Variants in SNCAIP observed in about 807,000 individuals in gnomAD.
The protein encoded by SNCAIP is synuclein alpha interacting protein.
SNCAIP carries 43 observed loss-of-function variants against 86.7 expected under a neutral mutation model. The ratio of observed to expected loss-of-function variants is 0.50; its 90% confidence interval spans 0.39 to 0.64. The LOEUF is 0.64. SNCAIP is among the 30% of genes least tolerant of loss of function. SNCAIP has a pLI of 0.00. For missense variants in SNCAIP, 981 were observed against 1,103.1 expected (o/e 0.89, Z 1.57); for synonymous variants, 417 against 427.2 (o/e 0.98, Z 0.29).
At chr5:122,445,658 A>G (rs535505928) in intron 8 of SNCAIP, among the ~76,000 whole-genome samples, 8 of 150,892 alleles carry the variant, frequency 5.3e-5, no homozygotes, top group Admixed American at 2.0e-4. Context: ...ACACACACAC[A>G]CACACACACA....
chr5:122,403,894 TATCCTGGCTCAGTGTTA>T, intron 3 of SNCAIP, 29 bp downstream of exon 3: 2 of 1,558,268 alleles, frequency 1.3e-6, no homozygotes, highest in Non-Finnish European at 1.8e-6. Context: ...CTCTTCTCCT[TATCCTGGCTCAGTGTTA>T]ATGGCTCCTG....
chr5:122,463,360 G>A, intron 10 of SNCAIP, 131 bp from the exon 11 acceptor site: 5 of 690,778 alleles, frequency 7.2e-6, no homozygotes, highest in South Asian at 6.5e-5. Flanking sequence ...TTTGCGTATT[G>A]GAATGAAGTG....
At chr5:122,384,579 A>G (rs776247466) in intron 1 of SNCAIP, among the ~76,000 whole-genome samples, 22 of 152,182 alleles carry the variant, frequency 1.4e-4, no homozygotes, top group Non-Finnish European at 2.6e-4. Context: ...GTCTCCCAGC[A>G]TCTGTGTGAG....
rs1011610941 is a variant in SNCAIP, at chr5:122,432,105, T to C, written c.1296+23T>C. 1.4e-5 allele frequency: 14 copies of C among 988,376 alleles called. No homozygotes were observed. The South Asian group carries it at 1.5e-4, about 11-fold the overall frequency. 61.2% of individuals were successfully genotyped at this position (988,376 alleles called of 1,614,324 possible). A position where few individuals can be genotyped will look rare whatever the true frequency, so the allele number is the denominator to read the frequency against. On this transcript the variant is annotated intron_variant, in intron 6 of 10. Transcript: ENST00000261368. ...CAGGTATGAAGGAGTTTTTTAAGTA[T>C]CTTCCCTTTGTGTACCATATAATCT... is the stretch of plus-strand genomic sequence containing the variant.
chr5:122,450,342 C>T (rs903784742), intron 9 of SNCAIP, among the ~76,000 whole-genome samples, 191 bp from the exon 10 acceptor site: 8 of 152,046 alleles, frequency 5.3e-5, no homozygotes, highest in Non-Finnish European at 8.8e-5. Context: ...TAGTTATAGC[C>T]GAAGGCATAA....
intron 2 of SNCAIP, among the ~76,000 whole-genome samples, chr5:122,392,806 A>T (rs1051187995): frequency 6.6e-5 from 10 of 152,232 alleles, no homozygotes; most frequent in Non-Finnish European, 1.5e-5. Flanking sequence ...CTTGGCACAC[A>T]GTAAGTTGCT....
intron 1 of SNCAIP, among the ~76,000 whole-genome samples, chr5:122,361,252 A>G (rs1349741424): frequency 6.6e-6 from 1 of 151,004 alleles, no homozygotes; most frequent in Non-Finnish European, 1.5e-5. Context: ...TAGTCAGATC[A>G]TACTCTTATG....
At chr5:122,389,223 GA>G (rs1367367273) in intron 1 of SNCAIP, 1 of 152,160 alleles carries the variant, frequency 6.6e-6, no homozygotes, top group East Asian at 1.9e-4. Flanking sequence ...TTTATTTAAA[GA>G]TCCATTTGGT....
chr5:122,455,262 G>A (rs545452302), intron 10 of SNCAIP, among the ~76,000 whole-genome samples: 8 of 152,234 alleles, frequency 5.3e-5, no homozygotes, highest in African/African-American at 1.7e-4. Flanking sequence ...GAACTAGGCC[G>A]GTTCACTCCT....
In SNCAIP at chr5:122,318,149, G is replaced by T. The variant is rs545722200; in HGVS notation, c.-47+5865G>T. 6.6e-5 allele frequency among the ~76,000 whole-genome samples: 10 copies of T among 152,076 alleles called. No homozygotes were observed. The South Asian group carries it at 1.7e-3, about 25-fold the overall frequency. ...GGGTGCAGGGGATGGGTAGGTGCTG[G>T]TATGTTCAGCAACGCCTTCTTCTAG... is the stretch of plus-strand genomic sequence containing the variant. On this transcript the variant is annotated intron_variant, in intron 1 of 10. Coordinates refer to ENST00000261368, the MANE Select transcript of SNCAIP (RefSeq NM_005460.4).
chr5:122,451,846 T>C, intron 10 of SNCAIP: 1 of 473,770 alleles, frequency 2.1e-6, no homozygotes, highest in East Asian at 3.8e-5. Context: ...GAGATTATAT[T>C]CTGGTCCATA....
intron 8 of SNCAIP, among the ~76,000 whole-genome samples, chr5:122,446,191 A>G (rs552732340): frequency 6.6e-6 from 1 of 152,198 alleles, no homozygotes; most frequent in African/African-American, 2.4e-5. Context: ...AGATATTTCA[A>G]AAAAACAAGT....
chr5:122,401,053 T>A (rs189505224), intron 2 of SNCAIP: 3 of 1,550,084 alleles, frequency 1.9e-6, no homozygotes, highest in African/African-American at 2.7e-5. Context: ...GAAGATGCAA[T>A]GGGCTTTGGT....
chr5:122,455,426 C>T (rs1784549923), intron 10 of SNCAIP, among the ~76,000 whole-genome samples: 1 of 152,220 alleles, frequency 6.6e-6, no homozygotes. Flanking sequence ...AAGTGTTCAT[C>T]TCTCAGCTAT....
chr5:122,313,368 A>G (rs1226207072), intron 1 of SNCAIP, among the ~76,000 whole-genome samples: 2 of 152,252 alleles, frequency 1.3e-5, no homozygotes, highest in African/African-American at 4.8e-5. Context: ...GCCAGGGTGC[A>G]GTTTGCAAAA....
chr5:122,366,894 C>G (rs182191796), intron 1 of SNCAIP, among the ~76,000 whole-genome samples: 78 of 151,962 alleles, frequency 5.1e-4, no homozygotes, highest in African/African-American at 1.8e-3. Flanking sequence ...TTTTTAGAAG[C>G]AAAAATCTAA....
chr5:122,315,283 G>T (rs1751473903), intron 1 of SNCAIP, among the ~76,000 whole-genome samples: 1 of 152,174 alleles, frequency 6.6e-6, no homozygotes, highest in Non-Finnish European at 1.5e-5. Flanking sequence ...GTTGGCCAGG[G>T]TAACATAACG....
intron 2 of SNCAIP, among the ~76,000 whole-genome samples, chr5:122,402,666 G>C (rs1049982700): frequency 6.6e-6 from 1 of 152,156 alleles, no homozygotes; most frequent in Non-Finnish European, 1.5e-5. Context: ...TTCATGTATT[G>C]ACGTCAAGCT....
chr5:122,364,293 C>G (rs770319386), intron 1 of SNCAIP, among the ~76,000 whole-genome samples: 1 of 152,240 alleles, frequency 6.6e-6, no homozygotes, highest in Non-Finnish European at 1.5e-5. Flanking sequence ...TAGGGCTGCG[C>G]TGTCTGTGGA....
Sources: gnomAD v4.1 joint callset for allele counts (sites outside exome capture counted in the v4.1 genomes callset) on GRCh38, gnomAD v4.1.1 for gene constraint, MANE v1.5 for transcripts, NCBI Gene and HGNC (gene_info 2026-07-23, HGNC 2026-07-21) for gene names.